ALG9: variants seen among roughly 807,000 people sequenced by gnomAD.
The protein encoded by ALG9 is alpha-1,2-mannosyltransferase ALG9.
A neutral mutation model predicts 81.8 loss-of-function variants in ALG9; 55 were observed. The observed-to-expected ratio is 0.67, with a 90% CI of 0.54 to 0.84. ALG9 has a LOEUF of 0.84. Among genes scored for constraint, ALG9 ranks in the 40% least tolerant of loss-of-function variants. The probability of loss-of-function intolerance (pLI) is 0.00; values close to 1 mark genes in which losing one functional copy is unlikely to be tolerated. For synonymous variants in ALG9, 278 were observed against 274.3 expected, an observed-to-expected ratio of 1.01 and a Z score of -0.13; for missense variants, 629 against 745.0, an observed-to-expected ratio of 0.84 and a Z score of 1.81.
chr11:111,770,321 T>A, the ALG9 span, among the ~76,000 whole-genome samples: 2 of 152,158 alleles, frequency 1.3e-5, no homozygotes, highest in Admixed American at 6.5e-5. Context: ...CCATTGATTT[T>A]AAAAGTTCAT....
chr11:111,859,181 G>T (rs1263577320), intron 5 of ALG9, among the ~76,000 whole-genome samples: 1 of 152,116 alleles, frequency 6.6e-6, no homozygotes. Context: ...ACTCTAACCT[G>T]CCTAGGTGAA....
chr11:111,788,278 T>C (rs868914437), intron 14 of ALG9, among the ~76,000 whole-genome samples: 4 of 152,206 alleles, frequency 2.6e-5, no homozygotes, highest in Admixed American at 6.5e-5. Context: ...TTAGAGATTC[T>C]TCCCAACTAG....
Position 111,799,813 on chromosome 11 carries a change from A to G in ALG9, c.1733+9830T>C, listed in dbSNP as rs1591857388. Among the ~76,000 whole-genome samples the G allele has an allele frequency of 2.0e-5, 3 of 152,302 alleles. 1 individual carries two copies. In the East Asian group the frequency reaches 5.8e-4, roughly 29 times the overall value. ...TTACCTTACATAAAAGCAAATTCAAACCAGCCAAAGAGGTAAATAGAACTT... is the reference window on the plus strand; with the variant it reads ...TTACCTTACATAAAAGCAAATTCAAGCCAGCCAAAGAGGTAAATAGAACTT... On this transcript the variant is annotated intron_variant, in intron 14 of 14. Coordinates refer to ENST00000616540, the MANE Select transcript of ALG9 (RefSeq NM_024740.2).
intron 13 of ALG9, chr11:111,817,183 G>A (rs1951616086): frequency 6.6e-6 from 1 of 152,140 alleles, no homozygotes; most frequent in South Asian, 2.1e-4. Context: ...TTATGCATCA[G>A]GAATCTATTC....
At chr11:111,800,465 AGCGAGACTCC>A (rs566352275) in intron 14 of ALG9, among the ~76,000 whole-genome samples, 16 of 152,198 alleles carry the variant, frequency 1.1e-4, no homozygotes, top group Admixed American at 5.9e-4. Context: ...TGGGTGACAG[AGCGAGACTCC>A]GTCTCAAAAA....
At chr11:111,820,725 C>T (rs547190601) in intron 13 of ALG9, among the ~76,000 whole-genome samples, 60 of 152,246 alleles carry the variant, frequency 3.9e-4, no homozygotes, top group African/African-American at 1.4e-3. Flanking sequence ...GAACTTTCTG[C>T]ATGTAAAGAA....
Position 111,853,346 on chromosome 11 carries a change from T to C in ALG9, c.895+34A>G, listed in dbSNP as rs1555140434. ...TGAAGTTCAGGCAAATTAAGCTATC[T>C]CCTAACACTTGCCCAAATTTCACAA... On this transcript the variant is annotated intron_variant, in intron 8 of 14. Transcript: ENST00000616540. 1.3e-5 allele frequency: 19 copies of C among 1,500,236 alleles called. No individual in the cohort carries two copies. The East Asian group carries it at 1.4e-4, about 11-fold the overall frequency. 92.9% of individuals were successfully genotyped at this position (1,500,236 alleles called of 1,614,324 possible).
chr11:111,781,834 C>T (rs1304685503), downstream of ALG9, among the ~76,000 whole-genome samples: 3 of 152,082 alleles, frequency 2.0e-5, no homozygotes, highest in Admixed American at 6.6e-5. Context: ...TTAGTAGAGA[C>T]GTGGTTTCAC....
chr11:111,871,012 G>A (rs1964139644), intron 1 of ALG9: 1 of 1,049,564 alleles, frequency 9.5e-7, no homozygotes, highest in Admixed American at 5.7e-5. Flanking sequence ...GGACTTGAGG[G>A]AGAATAAAAG....
chr11:111,791,917 C>A (rs1406473081), intron 14 of ALG9, among the ~76,000 whole-genome samples: 1 of 152,216 alleles, frequency 6.6e-6, no homozygotes, highest in Non-Finnish European at 1.5e-5. Context: ...CATGGTGAAA[C>A]CCCTAAAAAT....
the ALG9 span, among the ~76,000 whole-genome samples, chr11:111,775,277 CCTTTT>C: frequency 1.8e-4 from 28 of 152,162 alleles, no homozygotes; most frequent in Non-Finnish European, 4.4e-5. Context: ...TTCCCCACTT[CCTTTT>C]CTGATCTACT....
intron 4 of ALG9, chr11:111,864,280 T>A: frequency 8.8e-7 from 1 of 1,137,970 alleles, no homozygotes; most frequent in Non-Finnish European, 1.3e-6. Flanking sequence ...GCGTTGCCGC[T>A]ATGAAGAAAG....
At chr11:111,800,001 C>T (rs1412876068) in intron 14 of ALG9, among the ~76,000 whole-genome samples, 3 of 152,306 alleles carry the variant, frequency 2.0e-5, no homozygotes, top group Non-Finnish European at 2.9e-5. Context: ...CTTCTGGAAG[C>T]CTTCTAAGTG....
chr11:111,774,968 T>C, the ALG9 span, among the ~76,000 whole-genome samples: 2 of 151,936 alleles, frequency 1.3e-5, no homozygotes, highest in Non-Finnish European at 1.5e-5. Flanking sequence ...AGAAAAAAAA[T>C]AAAGAGACAG....
chr11:111,844,019 T>C (rs983898132), intron 9 of ALG9, among the ~76,000 whole-genome samples: 1 of 152,198 alleles, frequency 6.6e-6, no homozygotes, highest in African/African-American at 2.4e-5. Context: ...GAGATTTTTT[T>C]TGAGATGGAG....
chr11:111,824,233 G>A (rs1555106453), intron 13 of ALG9, among the ~76,000 whole-genome samples: 1 of 152,132 alleles, frequency 6.6e-6, no homozygotes, highest in Non-Finnish European at 1.5e-5. Flanking sequence ...AAATTCACTA[G>A]TATTTATGAC....
chr11:111,845,847 A>C (rs934500942), intron 8 of ALG9, among the ~76,000 whole-genome samples: 4 of 152,218 alleles, frequency 2.6e-5, no homozygotes, highest in African/African-American at 4.8e-5. Flanking sequence ...ATAAGATTAG[A>C]AACCAAACCC....
At chr11:111,859,779 CAT>C (rs1959381890) in intron 5 of ALG9, among the ~76,000 whole-genome samples, 1 of 151,936 alleles carries the variant, frequency 6.6e-6, no homozygotes, top group African/African-American at 2.4e-5. Context: ...GAAAAGTAAG[CAT>C]ATAATTTTGT....
intron 14 of ALG9, among the ~76,000 whole-genome samples, chr11:111,800,515 C>T (rs1555079555): frequency 6.6e-6 from 1 of 151,344 alleles, no homozygotes; most frequent in Non-Finnish European, 1.5e-5. Flanking sequence ...AAAAAAGAAT[C>T]TAACTCTATA....
Sources: gnomAD v4.1 joint callset for allele counts (sites outside exome capture counted in the v4.1 genomes callset) on GRCh38, gnomAD v4.1.1 for gene constraint, MANE v1.5 for transcripts, NCBI Gene and HGNC (gene_info 2026-07-23, HGNC 2026-07-21) for gene names.